BLTP3B: variants seen among roughly 807,000 people sequenced by gnomAD.
BLTP3B encodes bridge-like lipid transfer protein family member 3B.
chr12:100,072,957 C>T, the BLTP3B span: 1 of 821,428 alleles, frequency 1.2e-6, no homozygotes, highest in East Asian at 3.2e-5. Flanking sequence ...ATATATTTAA[C>T]TTCACATGGA....
chr12:100,052,951 G>A, the BLTP3B span, among the ~76,000 whole-genome samples: 2 of 151,488 alleles, frequency 1.3e-5, no homozygotes, highest in Non-Finnish European at 2.9e-5. Flanking sequence ...GTGCCACTAT[G>A]CCTGGCTAAT....
the BLTP3B span, chr12:100,059,335 C>T: frequency 6.2e-7 from 1 of 1,613,920 alleles, no homozygotes; most frequent in Non-Finnish European, 8.5e-7. Flanking sequence ...TTAAAATTGT[C>T]ACAAGATTTG....
chr12:100,065,058 C>T, the BLTP3B span, among the ~76,000 whole-genome samples: 143 of 152,084 alleles, frequency 9.4e-4, 1 homozygote, highest in African/African-American at 3.2e-3. Flanking sequence ...AAGTCAGGGA[C>T]CCTGAACAGA....
At chr12:100,077,396 G>A in the BLTP3B span, among the ~76,000 whole-genome samples, 5 of 152,268 alleles carry the variant, frequency 3.3e-5, no homozygotes, top group Non-Finnish European at 7.4e-5. Context: ...ACTGTATATC[G>A]AATGTAAAGT....
At chr12:100,102,846 T>C in the BLTP3B span, 1 of 1,600,518 alleles carries the variant, frequency 6.2e-7, no homozygotes, top group Non-Finnish European at 8.5e-7. Context: ...CCATTATTAC[T>C]TTATCCAGGG....
At chr12:100,085,119 G>A in the BLTP3B span, among the ~76,000 whole-genome samples, 1 of 152,154 alleles carries the variant, frequency 6.6e-6, no homozygotes, top group Non-Finnish European at 1.5e-5. Flanking sequence ...AACTTCTCAA[G>A]ATGTACTCAG....
chr12:100,134,664 C>T, the BLTP3B span, among the ~76,000 whole-genome samples: 28 of 151,762 alleles, frequency 1.8e-4, no homozygotes, highest in African/African-American at 5.8e-4. Context: ...ATATCCAAAA[C>T]AAACTCCTGA....
At chr12:100,073,238 A>G in the BLTP3B span, among the ~76,000 whole-genome samples, 2 of 152,132 alleles carry the variant, frequency 1.3e-5, no homozygotes, top group East Asian at 3.9e-4. Flanking sequence ...ATGAAAAGTA[A>G]CAGAGCTATA....
the BLTP3B span, chr12:100,059,559 A>T: frequency 6.5e-7 from 1 of 1,543,352 alleles, no homozygotes; most frequent in African/African-American, 1.4e-5. Context: ...AATTAATCTC[A>T]TCCAACTGGC....
At chr12:100,040,105 T>C in the BLTP3B span, among the ~76,000 whole-genome samples, 2 of 152,190 alleles carry the variant, frequency 1.3e-5, no homozygotes, top group Non-Finnish European at 2.9e-5. Flanking sequence ...TTAGATTAAC[T>C]AATAAACTTT....
chr12:100,131,027 GAGAGAGAA>G, the BLTP3B span, among the ~76,000 whole-genome samples: 274 of 123,074 alleles, frequency 2.2e-3, 2 homozygotes, highest in African/African-American at 8.7e-3. Flanking sequence ...GAGAGAGAGA[GAGAGAGAA>G]AGAGTTTTTT....
chr12:100,071,223 G>A, the BLTP3B span, among the ~76,000 whole-genome samples: 1 of 152,088 alleles, frequency 6.6e-6, no homozygotes, highest in Non-Finnish European at 1.5e-5. Context: ...TGGGCCAGGT[G>A]CAGTGGCTCA....
At chr12:100,104,442 G>A in the BLTP3B span, among the ~76,000 whole-genome samples, 1 of 151,558 alleles carries the variant, frequency 6.6e-6, no homozygotes, top group African/African-American at 2.4e-5. Flanking sequence ...GGCCTCAAAT[G>A]ATCCACCCAA....
chr12:100,039,135 G>A, the BLTP3B span, among the ~76,000 whole-genome samples: 1 of 150,962 alleles, frequency 6.6e-6, no homozygotes, highest in Non-Finnish European at 1.5e-5. Context: ...TTAAAACTCT[G>A]CTGAACATTT....
the BLTP3B span, among the ~76,000 whole-genome samples, chr12:100,076,094 G>A: frequency 6.6e-6 from 1 of 150,900 alleles, no homozygotes; most frequent in Non-Finnish European, 1.5e-5. Flanking sequence ...CATGTACCCT[G>A]AGTTTACAAT....
chr12:100,054,394 T>G, the BLTP3B span, among the ~76,000 whole-genome samples: 20,279 of 152,160 alleles, frequency 0.13, 1,493 homozygotes, highest in South Asian at 0.16. Flanking sequence ...GGTGATTTTA[T>G]TCTCCAAATT....
the BLTP3B span, chr12:100,037,590 C>G: frequency 1.3e-6 from 2 of 1,591,314 alleles, no homozygotes; most frequent in South Asian, 2.3e-5. Context: ...ATAAATATAA[C>G]CTTCCTACTC....
the BLTP3B span, among the ~76,000 whole-genome samples, chr12:100,055,443 G>A: frequency 6.6e-6 from 1 of 152,110 alleles, no homozygotes; most frequent in Non-Finnish European, 1.5e-5. Flanking sequence ...TTGGGAGGCT[G>A]AGATGGGAGG....
the BLTP3B span, among the ~76,000 whole-genome samples, chr12:100,116,448 C>CAAAAAAAAAAAAAAAAA: frequency 2.7e-4 from 15 of 55,934 alleles, no homozygotes; most frequent in East Asian, 5.9e-4. Context: ...GATCCTGTCT[C>CAAAAAAAAAAAAAAAAA]AAAAAAAAAA....
Sources: gnomAD v4.1 joint callset for allele counts (sites outside exome capture counted in the v4.1 genomes callset) on GRCh38, gnomAD v4.1.1 for gene constraint, MANE v1.5 for transcripts, NCBI Gene and HGNC (gene_info 2026-07-23, HGNC 2026-07-21) for gene names.